The following PCDHA12 variants were observed in gnomAD, a reference collection of about 807,000 sequenced individuals.
PCDHA12 encodes the protein protocadherin alpha-12.
In PCDHA12, 44 loss-of-function variants were observed where a neutral mutation model predicts 60.0. The observed-to-expected ratio is 0.73, with a 90% CI of 0.58 to 0.94. The LOEUF is 0.94. PCDHA12 is among the 40% of genes least tolerant of loss of function. The probability of loss-of-function intolerance (pLI) is 0.00; values close to 1 mark genes in which losing one functional copy is unlikely to be tolerated. For missense variants in PCDHA12, 1,276 were observed against 1,239.7 expected, an observed-to-expected ratio of 1.03 and a Z score of -0.44; for synonymous variants, 569 against 553.0, an observed-to-expected ratio of 1.03 and a Z score of -0.40.
intron 1 of PCDHA12, among the ~76,000 whole-genome samples, chr5:140,934,108 T>C (rs574657499): frequency 6.6e-6 from 1 of 152,276 alleles, no homozygotes; most frequent in East Asian, 1.9e-4. Flanking sequence ...TCTATTTTAT[T>C]AATTTTCATA....
intron 1 of PCDHA12, among the ~76,000 whole-genome samples, chr5:140,937,540 C>T (rs2091570481): frequency 2.0e-5 from 3 of 152,116 alleles, no homozygotes; most frequent in East Asian, 3.9e-4. Flanking sequence ...TTGCTTGAAC[C>T]TGCGAGGCAG....
intron 2 of PCDHA12, among the ~76,000 whole-genome samples, chr5:140,981,054 G>T (rs1024298698): frequency 1.3e-5 from 2 of 152,182 alleles, no homozygotes; most frequent in Admixed American, 1.3e-4. Flanking sequence ...GATAATTCTA[G>T]AGTGTAGACA....
intron 1 of PCDHA12, chr5:140,883,247 A>C: frequency 6.2e-7 from 1 of 1,614,084 alleles, no homozygotes; most frequent in Non-Finnish European, 8.5e-7. Context: ...TGACAAAGGA[A>C]ATATTCCAAT....
At chr5:140,906,963 G>C (rs150934602) in intron 1 of PCDHA12, among the ~76,000 whole-genome samples, 2 of 152,216 alleles carry the variant, frequency 1.3e-5, no homozygotes, top group African/African-American at 4.8e-5. Context: ...TAATGGAATC[G>C]TGGTTGTGTC....
intron 1 of PCDHA12, among the ~76,000 whole-genome samples, chr5:140,933,223 A>G (rs1005553040): frequency 1.3e-5 from 2 of 152,018 alleles, no homozygotes; most frequent in African/African-American, 4.8e-5. Context: ...GTTATATTGC[A>G]TTTATGAAAA....
intron 1 of PCDHA12, among the ~76,000 whole-genome samples, chr5:140,938,842 G>T (rs2092225940): frequency 1.3e-5 from 2 of 151,980 alleles, no homozygotes; most frequent in African/African-American, 4.8e-5. Context: ...TAACAAACCT[G>T]CCCATGTACC....
At chr5:140,951,440 A>G (rs1296002857) in intron 1 of PCDHA12, among the ~76,000 whole-genome samples, 2 of 152,004 alleles carry the variant, frequency 1.3e-5, no homozygotes, top group Non-Finnish European at 2.9e-5. Flanking sequence ...TGTAGGAAGC[A>G]TGATGCCGGC....
intron 1 of PCDHA12, chr5:140,881,999 A>C: frequency 2.1e-6 from 1 of 471,262 alleles, no homozygotes. Context: ...AGGAAATGCA[A>C]GGGGCAAAAA....
At chr5:140,898,956 T>G (rs1352076218) in intron 1 of PCDHA12, among the ~76,000 whole-genome samples, 1 of 152,130 alleles carries the variant, frequency 6.6e-6, no homozygotes, top group African/African-American at 2.4e-5. Flanking sequence ...GAAGCAGTTG[T>G]GAATGGGAGT....
In PCDHA12 at chr5:140,882,891, A is replaced by T. The variant is rs782750187; in HGVS notation, c.2367+5052A>T. 1 of 1,614,230 alleles carries T rather than the reference A, an allele frequency of 6.2e-7. No individual in the cohort carries two copies. The highest frequency in any genetic ancestry group is 8.5e-7 in the Non-Finnish European group (1 of 1,180,042). On this transcript the variant is annotated intron_variant, in intron 1 of 3. Transcript: ENST00000398631. ...CTGGACAGAGAGGAAATTCAGGAAC[A>T]TAGTTTATTACTGACAGCCAGTGAT...
chr5:140,889,441 C>G (rs2062226063), intron 1 of PCDHA12, among the ~76,000 whole-genome samples: 2 of 151,842 alleles, frequency 1.3e-5, no homozygotes, highest in African/African-American at 2.4e-5. Flanking sequence ...CAGGTATTTT[C>G]CTGTTTAATC....
intron 1 of PCDHA12, chr5:140,968,070 A>T: frequency 6.2e-7 from 1 of 1,614,152 alleles, no homozygotes; most frequent in Non-Finnish European, 8.5e-7. Context: ...GTGGCTGTCT[A>T]CAACATCACG....
rs2098422801 is a variant in PCDHA12, at chr5:141,012,055, C to T, written c.*2118C>T. On this transcript the variant is annotated 3_prime_UTR_variant, in exon 4 of 4. Coordinates refer to ENST00000398631, the MANE Select transcript of PCDHA12 (RefSeq NM_018903.4). ...GGATTGCATGGGGTAAAACTTGTTA[C>T]CAACACATGTGAACCATTGCTACAT... The T allele has an allele frequency of 6.5e-6, 1 of 153,666 alleles. No individual in the cohort carries two copies. Among genetic ancestry groups the T allele is most frequent in the African/African-American group, 2.4e-5 (1 of 41,404 alleles). 9.5% of individuals were successfully genotyped at this position (153,666 alleles called of 1,614,324 possible).
intron 1 of PCDHA12, among the ~76,000 whole-genome samples, chr5:140,906,486 A>G (rs2072686991): frequency 6.6e-6 from 1 of 152,270 alleles, no homozygotes; most frequent in South Asian, 2.1e-4. Context: ...GTATAAATGC[A>G]CAAACATGTT....
intron 1 of PCDHA12, chr5:140,927,843 C>T (rs1563097859): frequency 1.2e-6 from 2 of 1,614,186 alleles, no homozygotes; most frequent in Non-Finnish European, 1.7e-6. Context: ...ACGAAGGTGT[C>T]TTTGGTTTAG....
At chr5:140,923,304 G>T (rs933906504) in intron 1 of PCDHA12, among the ~76,000 whole-genome samples, 2 of 152,172 alleles carry the variant, frequency 1.3e-5, no homozygotes, top group East Asian at 3.9e-4. Context: ...TGGGCGTGGG[G>T]GCGCTTGGCC....
In PCDHA12 at chr5:140,876,315, C is replaced by T; in HGVS notation, c.843C>T (p.Ile281=). 6.2e-7 allele frequency: 1 copy of T among 1,613,958 alleles called. No homozygotes were observed. The highest frequency in any genetic ancestry group is 1.1e-5 in the South Asian group (1 of 91,080). ...TTAATGGAGAAATTTCCTATGGGATCAAAATGATTTTGCCAGTGAGTGAGA... is the reference window on the plus strand; with the variant it reads ...TTAATGGAGAAATTTCCTATGGGATTAAAATGATTTTGCCAGTGAGTGAGA... The part of the protein sequence containing the change: ...EGLNGEISYG[I]KMILPVSEKC... The change falls in exon 1 of 4, where the codon ATC becomes ATT. Residue 281 remains isoleucine (I), a synonymous_variant. Transcript: ENST00000398631.
intron 1 of PCDHA12, among the ~76,000 whole-genome samples, chr5:140,890,337 A>G (rs1256335004): frequency 3.3e-5 from 5 of 152,192 alleles, no homozygotes; most frequent in African/African-American, 1.2e-4. Flanking sequence ...GGTAGTTGGG[A>G]TGGTTTACTA....
In PCDHA12 at chr5:140,876,086, C is replaced by T. The variant is rs371336139; in HGVS notation, c.614C>T (p.Thr205Met). The change falls in exon 1 of 4, where the codon ACG (threonine) becomes ATG (methionine). Residue 205 changes from threonine to methionine, a missense_variant. Thr to Met is a moderately conservative substitution (Grantham distance 81). Coordinates refer to ENST00000398631, the MANE Select transcript of PCDHA12 (RefSeq NM_018903.4). Reference sequence around the variant, plus strand: ...CGGAAGTTATTGGACAGAGAGCAAACGCCAAAACTCAATTTATTGCTGATG... The same window carrying T: ...CGGAAGTTATTGGACAGAGAGCAAATGCCAAAACTCAATTTATTGCTGATG... ...VLRKLLDREQ[T>M]PKLNLLLMVI... 4 of 1,613,778 alleles carry T rather than the reference C, an allele frequency of 2.5e-6. No individual in the cohort carries two copies. Among genetic ancestry groups the T allele is most frequent in the East Asian group, 2.2e-5 (1 of 44,902 alleles).
Sources: gnomAD v4.1 joint callset for allele counts (sites outside exome capture counted in the v4.1 genomes callset) on GRCh38, gnomAD v4.1.1 for gene constraint, MANE v1.5 for transcripts, NCBI Gene and HGNC (gene_info 2026-07-23, HGNC 2026-07-21) for gene names.